ATRNL1: variants seen among roughly 807,000 people sequenced by gnomAD.
ATRNL1 encodes attractin-like protein 1.
A neutral mutation model predicts 182.7 loss-of-function variants in ATRNL1; 95 were observed. The ratio of observed to expected loss-of-function variants is 0.52; its 90% confidence interval spans 0.44 to 0.62. ATRNL1 has a LOEUF of 0.62. Ranked by LOEUF, ATRNL1 falls within the 20% of genes least tolerant of loss-of-function variation. ATRNL1 has a pLI of 0.00. For synonymous variants in ATRNL1, 576 were observed against 568.3 expected (o/e 1.01, Z -0.19); for missense variants, 1,471 against 1,679.5 (o/e 0.88, Z 2.17).
intron 26 of ATRNL1, among the ~76,000 whole-genome samples, chr10:115,604,309 A>G (rs1565206781): frequency 1.3e-5 from 2 of 152,136 alleles, no homozygotes; most frequent in Non-Finnish European, 2.9e-5. Context: ...TTATGATAGA[A>G]CAGCCTTGAC....
intron 26 of ATRNL1, among the ~76,000 whole-genome samples, chr10:115,636,860 A>C (rs1858908645): frequency 6.6e-6 from 1 of 152,236 alleles, no homozygotes; most frequent in South Asian, 2.1e-4. Context: ...ATACAGTGGA[A>C]TATTATTTGC....
chr10:115,203,615 T>A lies in ATRNL1; in HGVS notation c.1349-12082T>A, dbSNP rs1370492569. Reference sequence around the variant, plus strand: ...TTTTTTTTGAGATGGAGTCTTGCTCTGTCACCCAGGCTAGAGTGTAGTGGC... The same window carrying A: ...TTTTTTTTGAGATGGAGTCTTGCTCAGTCACCCAGGCTAGAGTGTAGTGGC... On this transcript the variant is annotated intron_variant, in intron 8 of 28. Coordinates refer to ENST00000355044, the MANE Select transcript of ATRNL1 (RefSeq NM_207303.4). Among the ~76,000 whole-genome samples, 4 of 148,204 alleles carry A rather than the reference T, an allele frequency of 2.7e-5. No individual in the cohort carries two copies. In the East Asian group the frequency reaches 6.0e-4, roughly 22 times the overall value.
At chr10:115,678,333 A>G (rs1040566660) in intron 26 of ATRNL1, among the ~76,000 whole-genome samples, 3 of 152,126 alleles carry the variant, frequency 2.0e-5, no homozygotes, top group Admixed American at 1.3e-4. Flanking sequence ...CAATTGAACA[A>G]TAAATACCAA....
intron 26 of ATRNL1, among the ~76,000 whole-genome samples, chr10:115,721,862 C>G (rs1195533619): frequency 6.6e-6 from 1 of 152,108 alleles, no homozygotes; most frequent in African/African-American, 2.4e-5. Context: ...GGTAGCAGAC[C>G]TGATGACAGT....
intron 27 of ATRNL1, among the ~76,000 whole-genome samples, chr10:115,807,019 A>C (rs1396076356): frequency 6.6e-6 from 1 of 151,710 alleles, no homozygotes; most frequent in Non-Finnish European, 1.5e-5. Flanking sequence ...TTTTTAAAAT[A>C]TTTGCAAATT....
chr10:115,334,518 T>G, intron 19 of ATRNL1, 99 bp downstream of exon 19: 1 of 853,380 alleles, frequency 1.2e-6, no homozygotes, highest in African/African-American at 1.7e-5. Flanking sequence ...CTACAGAAAA[T>G]TTTTTACTCA....
rs374679066 is a variant in ATRNL1 at position 115,129,359 on chromosome 10, A to G, written c.653A>G (p.His218Arg). ...TCTTGTCCTAACAATTGCTCTGGTC[A>G]TGGGAAGTGTACAACTAGTGTCTCT... ...INSCPNNCSG[H>R]GKCTTSVSVP... The change falls in exon 5 of 29, where the codon CAT becomes CGT. Residue 218 changes from histidine (H) to arginine (R), a missense_variant. His to Arg is a conservative substitution (Grantham distance 29, BLOSUM62 0). Transcript: ENST00000355044. 1.3e-5 allele frequency: 21 copies of G among 1,613,396 alleles called. No individual in the cohort carries two copies. The highest frequency in any genetic ancestry group is 1.5e-5 in the Non-Finnish European group (18 of 1,179,478).
chr10:115,470,581 T>G (rs888988051), intron 24 of ATRNL1, among the ~76,000 whole-genome samples: 2 of 150,658 alleles, frequency 1.3e-5, no homozygotes, highest in Non-Finnish European at 3.0e-5. Context: ...TATTTTAAAT[T>G]GCTTCCTATC....
chr10:115,515,970 G>A (rs1429683371), intron 24 of ATRNL1, among the ~76,000 whole-genome samples: 3 of 151,640 alleles, frequency 2.0e-5, no homozygotes, highest in East Asian at 3.9e-4. Flanking sequence ...ATGATGGGGT[G>A]GCCCTGAATA....
At chr10:115,900,177 C>T (rs1952315185) in intron 28 of ATRNL1, among the ~76,000 whole-genome samples, 1 of 152,174 alleles carries the variant, frequency 6.6e-6, no homozygotes, top group Admixed American at 6.5e-5. Flanking sequence ...ATAAATTGTG[C>T]TGGAAAACTG....
intron 26 of ATRNL1, among the ~76,000 whole-genome samples, chr10:115,681,055 T>C (rs1555044564): frequency 1.3e-5 from 2 of 152,168 alleles, no homozygotes. Context: ...TATCCTTTTT[T>C]AAACTATCAA....
At chr10:115,386,358 C>CG (rs1170745673) in intron 19 of ATRNL1, among the ~76,000 whole-genome samples, 1 of 152,080 alleles carries the variant, frequency 6.6e-6, no homozygotes, top group Non-Finnish European at 1.5e-5. Flanking sequence ...GCACCAGCTG[C>CG]GGGGGGTCTG....
intron 19 of ATRNL1, among the ~76,000 whole-genome samples, chr10:115,360,947 T>C (rs917465213): frequency 6.6e-6 from 1 of 151,936 alleles, no homozygotes; most frequent in Non-Finnish European, 1.5e-5. Flanking sequence ...TGAAGTTATG[T>C]TAAATTCTTA....
chr10:115,910,945 G>A (rs7076697), intron 28 of ATRNL1, among the ~76,000 whole-genome samples: 12,289 of 152,082 alleles, frequency 0.081, 1,429 homozygotes, highest in African/African-American at 0.26. Context: ...TTTCATGTTC[G>A]TTATCTCAGT....
At chr10:115,774,374 G>A (rs1364578981) in intron 27 of ATRNL1, among the ~76,000 whole-genome samples, 1 of 139,442 alleles carries the variant, frequency 7.2e-6, no homozygotes, top group Non-Finnish European at 1.5e-5. Context: ...GCGGTGAGCC[G>A]AGATCACACC....
intron 19 of ATRNL1, among the ~76,000 whole-genome samples, chr10:115,379,947 C>T (rs1025497789): frequency 3.3e-5 from 5 of 152,204 alleles, no homozygotes; most frequent in African/African-American, 7.2e-5. Flanking sequence ...TCGCCTCAGC[C>T]TCCCTAGTAG....
intron 27 of ATRNL1, among the ~76,000 whole-genome samples, chr10:115,754,999 T>A (rs1295777734): frequency 6.6e-6 from 1 of 152,220 alleles, no homozygotes; most frequent in East Asian, 1.9e-4. Flanking sequence ...GGAATGCTTC[T>A]AATTTTTGCA....
At chr10:115,876,211 T>C (rs1354458976) in intron 28 of ATRNL1, among the ~76,000 whole-genome samples, 1 of 152,188 alleles carries the variant, frequency 6.6e-6, no homozygotes, top group Non-Finnish European at 1.5e-5. Flanking sequence ...GGACCACTTC[T>C]TGGGTGTTTT....
chr10:115,185,657 A>G (rs782661158), intron 8 of ATRNL1, among the ~76,000 whole-genome samples: 2 of 152,002 alleles, frequency 1.3e-5, no homozygotes, highest in African/African-American at 2.4e-5. Context: ...GGGATGGGAA[A>G]GAATCATCAA....
Sources: gnomAD v4.1 joint callset for allele counts (sites outside exome capture counted in the v4.1 genomes callset) on GRCh38, gnomAD v4.1.1 for gene constraint, MANE v1.5 for transcripts, NCBI Gene and HGNC (gene_info 2026-07-23, HGNC 2026-07-21) for gene names.